ERG: variants seen among roughly 807,000 people sequenced by gnomAD.
The protein encoded by ERG is transcriptional regulator ERG.
In ERG, 9 loss-of-function variants were observed where a neutral mutation model predicts 55.3. That is an observed-to-expected ratio of 0.16 (90% CI 0.10 to 0.28). The LOEUF (loss-of-function observed/expected upper bound fraction) is 0.28, where lower values mean the gene tolerates loss of function less well. Ranked by LOEUF, ERG falls within the 10% of genes least tolerant of loss-of-function variation. The probability of loss-of-function intolerance (pLI) is 1.00; values close to 1 mark genes in which losing one functional copy is unlikely to be tolerated. For synonymous variants in ERG, 223 were observed against 237.3 expected (o/e 0.94, Z 0.55); for missense variants, 434 against 631.6 (o/e 0.69, Z 3.35).
At chr21:38,367,790 A>C in the ERG span, 1 of 401,582 alleles carries the variant, frequency 2.5e-6, no homozygotes, top group Non-Finnish European at 4.9e-6. Flanking sequence ...CAGAGGAAGC[A>C]AACCTTCTGT....
intron 2 of ERG, among the ~76,000 whole-genome samples, chr21:38,439,371 A>G (rs1057324316): frequency 2.0e-5 from 3 of 152,038 alleles, no homozygotes; most frequent in Non-Finnish European, 4.4e-5. Flanking sequence ...AGCTTTGGGG[A>G]CCTCACAGCA....
At position 38,396,069 on chromosome 21, in the gene ERG, A is replaced by G. The variant is rs542628415; in HGVS notation, c.746-3625T>C. ...TTCCCTGGCTGGGCTGGATGGGAAC[A>G]GATGAGATTTGCCTGCTCTTGAAAT... On this transcript the variant is annotated intron_variant, in intron 6 of 9. Transcript: ENST00000288319. Among the ~76,000 whole-genome samples, 4 of 152,360 alleles carry G rather than the reference A, an allele frequency of 2.6e-5. No individual in the cohort carries two copies. In the East Asian group the frequency reaches 5.8e-4, roughly 22 times the overall value.
At chr21:38,479,021 A>C (rs556847119) in intron 1 of ERG, among the ~76,000 whole-genome samples, 224 of 152,356 alleles carry the variant, frequency 1.5e-3, no homozygotes, top group African/African-American at 5.3e-3. Flanking sequence ...ATGATGAGAT[A>C]AGGAAAACCA....
intron 2 of ERG, among the ~76,000 whole-genome samples, chr21:38,523,394 C>T (rs192319438): frequency 1.3e-5 from 2 of 152,194 alleles, no homozygotes; most frequent in East Asian, 1.9e-4. Context: ...TATATAACAC[C>T]AAGTCCATTT....
chr21:38,380,935 A>G lies in ERG; in HGVS notation c.*2468T>C, dbSNP rs1020506536. The G allele has an allele frequency of 1.9e-6, 2 of 1,065,266 alleles. No individual in the cohort carries two copies. The highest frequency in any genetic ancestry group is 3.3e-5 in the African/African-American group (2 of 61,092). The allele number at this position is 1,065,266 out of a possible 1,614,324, so 66.0% of individuals were successfully genotyped here. On this transcript the variant is annotated 3_prime_UTR_variant, in exon 10 of 10. Transcript: ENST00000288319. The stretch of plus-strand genomic sequence containing the variant: ...TCTTGACTTTGCATTCCAAAATAAA[A>G]ATGACTGATCTTTTCCATTAGCACA...
rs984551459 is a variant in ERG, at chr21:38,440,146, C to T, written c.236+5258G>A. On this transcript the variant is annotated intron_variant, in intron 2 of 9. Transcript: ENST00000288319. The stretch of plus-strand genomic sequence containing the variant: ...TTGACTTCAAGTGGCATGTGCACTA[C>T]AGGAAAGCCCATTATGCATAAGCTA... 6.6e-5 allele frequency among the ~76,000 whole-genome samples: 10 copies of T among 152,344 alleles called. 1 individual carries two copies. In the South Asian group the frequency reaches 1.9e-3, roughly 28 times the overall value.
chr21:38,437,628 C>T (rs922365518), intron 2 of ERG, among the ~76,000 whole-genome samples: 2 of 152,216 alleles, frequency 1.3e-5, no homozygotes, highest in African/African-American at 4.8e-5. Context: ...GGCCTCTATG[C>T]TCATGAGGAT....
upstream of ERG, among the ~76,000 whole-genome samples, chr21:38,586,927 G>A (rs767230973): frequency 2.0e-5 from 3 of 152,142 alleles, no homozygotes; most frequent in Non-Finnish European, 4.4e-5. Flanking sequence ...AAGAAAAGTG[G>A]TGCACATACA....
At chr21:38,418,348 G>A (rs555577165) in intron 3 of ERG, among the ~76,000 whole-genome samples, 2 of 151,706 alleles carry the variant, frequency 1.3e-5, no homozygotes, top group South Asian at 2.1e-4. Flanking sequence ...GTGAAGTGGT[G>A]CAATCATGGT....
downstream of ERG, chr21:38,380,007 G>C (rs2836351): frequency 0.075 from 75,316 of 1,007,410 alleles, 4,914 homozygotes; most frequent in African/African-American, 0.31. Context: ...AAGGTTAAAA[G>C]ATAAAAAGAA....
Position 38,520,283 on chromosome 21 carries a change from G to A in ERG, c.-41+55379C>T, listed in dbSNP as rs141175983. Among the ~76,000 whole-genome samples, 148 of 152,314 alleles carry A rather than the reference G, an allele frequency of 9.7e-4. 1 individual carries two copies. The highest frequency in any genetic ancestry group is 3.4e-3 in the African/African-American group (143 of 41,566). On this transcript the variant is annotated intron_variant, in intron 2 of 8. Coordinates refer to the ERG transcript ENST00000398897. ...AGCTGGAGGGGATGGCCTTCACTGA[G>A]AAGTGGCATCAAATTAGAACCTGCA...
chr21:38,466,287 T>C (rs1272097444), intron 1 of ERG, among the ~76,000 whole-genome samples: 1 of 109,372 alleles, frequency 9.1e-6, no homozygotes, highest in East Asian at 2.5e-4. Flanking sequence ...GTTTAGGCTG[T>C]CTGATGGTCT....
chr21:38,646,902 C>A (rs920123413), intron 1 of ERG, among the ~76,000 whole-genome samples: 15 of 152,140 alleles, frequency 9.9e-5, no homozygotes, highest in African/African-American at 3.6e-4. Context: ...CTGTTACATC[C>A]AAAGCGTGCA....
At chr21:38,461,131 C>T (rs1049649233) in intron 1 of ERG, among the ~76,000 whole-genome samples, 3 of 152,186 alleles carry the variant, frequency 2.0e-5, no homozygotes, top group African/African-American at 7.2e-5. Flanking sequence ...GCTTAAGCAA[C>T]AGACATTTAT....
intron 2 of ERG, among the ~76,000 whole-genome samples, chr21:38,428,260 TC>T (rs1989933500): frequency 6.6e-6 from 1 of 152,036 alleles, no homozygotes; most frequent in African/African-American, 2.4e-5. Flanking sequence ...CATTTGAAAG[TC>T]TCACTATAAA....
chr21:38,585,146 C>A (rs1252624290), upstream of ERG, among the ~76,000 whole-genome samples: 1 of 152,082 alleles, frequency 6.6e-6, no homozygotes, highest in Non-Finnish European at 1.5e-5. Flanking sequence ...CATTATGAAG[C>A]AAAAATCGGG....
intron 2 of ERG, among the ~76,000 whole-genome samples, chr21:38,439,150 C>T (rs115584310): frequency 3.0e-4 from 46 of 152,248 alleles, no homozygotes; most frequent in African/African-American, 1.0e-3. Flanking sequence ...GTGGGCTTCA[C>T]GAAATCGCCA....
chr21:38,618,549 G>A (rs1008484132), intron 1 of ERG, among the ~76,000 whole-genome samples: 3 of 152,198 alleles, frequency 2.0e-5, no homozygotes, highest in Non-Finnish European at 4.4e-5. Flanking sequence ...ATTTGGCGGG[G>A]AGGTTGGGGG....
At chr21:38,420,740 A>AAGC (rs1172424325) in intron 3 of ERG, among the ~76,000 whole-genome samples, 2 of 152,180 alleles carry the variant, frequency 1.3e-5, no homozygotes, top group Non-Finnish European at 2.9e-5. Flanking sequence ...TATGACATCA[A>AAGC]AGCATATTGA....
Sources: allele counts gnomAD v4.1 joint callset (sites outside exome capture counted in the v4.1 genomes callset), GRCh38; gene constraint gnomAD v4.1.1; transcripts MANE v1.5; gene names NCBI Gene and HGNC (gene_info 2026-07-23, HGNC 2026-07-21).